The following CTNNA2 variants were observed in gnomAD, a reference collection of about 807,000 sequenced individuals.
CTNNA2 encodes the protein catenin alpha 2.
A neutral mutation model predicts 101.0 loss-of-function variants in CTNNA2; 42 were observed. The ratio of observed to expected loss-of-function variants is 0.42; its 90% CI spans 0.32 to 0.54. CTNNA2 has a LOEUF of 0.54. CTNNA2 is among the 20% of genes least tolerant of loss of function. The pLI is 0.14. For missense variants in CTNNA2, 871 were observed against 1,223.1 expected (o/e 0.71, Z 4.29); for synonymous variants, 450 against 456.4 (o/e 0.99, Z 0.18).
intron 7 of CTNNA2, among the ~76,000 whole-genome samples, chr2:80,214,260 G>A (rs2149041726): frequency 6.6e-6 from 1 of 152,244 alleles, no homozygotes; most frequent in East Asian, 1.9e-4. Flanking sequence ...TCATTATGAT[G>A]TTAGCTGGTT....
At chr2:80,037,594 C>T (rs1574604553) in intron 7 of CTNNA2, among the ~76,000 whole-genome samples, 1 of 152,204 alleles carries the variant, frequency 6.6e-6, no homozygotes, top group East Asian at 1.9e-4. Context: ...AGTAAGAATG[C>T]TGGGAAGAAA....
rs1486542538 is a variant in CTNNA2, at chr2:79,595,133, A to AT, written c.-5-56418dup. Reference sequence around the variant, plus strand: ...TCACAGTTAGCCAGTTTCGACTGTCATAACATAAGCACTTGTGGTCAACCA... The same window carrying AT: ...TCACAGTTAGCCAGTTTCGACTGTCATTAACATAAGCACTTGTGGTCAACCA... On this transcript the variant is annotated intron_variant, in intron 1 of 18. Transcript: ENST00000402739. Among the ~76,000 whole-genome samples the AT allele has an allele frequency of 7.9e-5, 12 of 152,304 alleles. No individual in the cohort carries two copies. In the East Asian group the frequency reaches 2.3e-3, roughly 29 times the overall value.
At chr2:79,737,290 G>A (rs556763390) in intron 2 of CTNNA2, among the ~76,000 whole-genome samples, 2 of 151,624 alleles carry the variant, frequency 1.3e-5, no homozygotes, top group African/African-American at 4.8e-5. Context: ...TAGAGGTTGC[G>A]GTGCGCCAAG....
At chr2:79,903,553 T>A (rs896787436) in intron 6 of CTNNA2, among the ~76,000 whole-genome samples, 16 of 152,152 alleles carry the variant, frequency 1.1e-4, no homozygotes, top group South Asian at 6.2e-4. Flanking sequence ...CCATTCCTAT[T>A]TATGTCCATT....
intron 7 of CTNNA2, among the ~76,000 whole-genome samples, chr2:80,249,449 T>G (rs941558409): frequency 1.3e-5 from 2 of 152,228 alleles, no homozygotes; most frequent in African/African-American, 4.8e-5. Flanking sequence ...GCATACTGTT[T>G]ACCAAGCTGT....
At chr2:79,875,177 A>G (rs936811961) in intron 6 of CTNNA2, among the ~76,000 whole-genome samples, 4 of 152,108 alleles carry the variant, frequency 2.6e-5, no homozygotes, top group Non-Finnish European at 2.9e-5. Context: ...AGGATTGTTC[A>G]CTGTGCTGAG....
intron 1 of CTNNA2, among the ~76,000 whole-genome samples, chr2:79,533,098 G>A (rs866620716): frequency 2.0e-5 from 3 of 151,650 alleles, no homozygotes; most frequent in South Asian, 2.1e-4. Context: ...ATGCAGTCTC[G>A]CTCCTTGATG....
chr2:79,810,177 T>A (rs968493946), intron 3 of CTNNA2, among the ~76,000 whole-genome samples: 1 of 152,080 alleles, frequency 6.6e-6, no homozygotes, highest in African/African-American at 2.4e-5. Context: ...GATAAAGACA[T>A]AACTGAGACT....
chr2:80,013,631 C>T (rs533440233), intron 7 of CTNNA2, among the ~76,000 whole-genome samples: 1 of 152,266 alleles, frequency 6.6e-6, no homozygotes, highest in South Asian at 2.1e-4. Flanking sequence ...TCCATCTAAC[C>T]CTGTTGTTCT....
At chr2:79,511,185 A>G (rs1671529808), upstream of CTNNA2, among the ~76,000 whole-genome samples, 1 of 152,184 alleles carries the variant, frequency 6.6e-6, no homozygotes, top group East Asian at 1.9e-4. Flanking sequence ...TGGACCATTC[A>G]AATTCATAGG....
intron 9 of CTNNA2, among the ~76,000 whole-genome samples, chr2:80,536,416 C>A (rs914138178): frequency 6.6e-6 from 1 of 152,018 alleles, no homozygotes; most frequent in Non-Finnish European, 1.5e-5. Context: ...ACATGAGGAG[C>A]AAGTGCTTTA....
intron 7 of CTNNA2, among the ~76,000 whole-genome samples, chr2:80,081,454 C>T (rs571071841): frequency 4.3e-4 from 65 of 152,182 alleles, no homozygotes; most frequent in Middle Eastern, 3.4e-3. Flanking sequence ...GGGTGGCTCC[C>T]TTCAGAAACA....
In CTNNA2 at chr2:79,335,106, G is replaced by A. The variant is rs539770670; in HGVS notation, c.-318+22310G>A. ...CTTCACTCTAATCCCAGAAGTTAGG[G>A]AGCCAGAATGACACAGATGTGAATT... On this transcript the variant is annotated intron_variant, in intron 3 of 21. Transcript: ENST00000466387. Among the ~76,000 whole-genome samples the A allele has an allele frequency of 5.3e-5, 8 of 152,236 alleles. No individual in the cohort carries two copies. In the South Asian group the frequency reaches 1.7e-3, roughly 32 times the overall value.
At chr2:79,944,781 T>G (rs1429277907) in intron 7 of CTNNA2, among the ~76,000 whole-genome samples, 3 of 152,006 alleles carry the variant, frequency 2.0e-5, no homozygotes, top group African/African-American at 7.2e-5. Flanking sequence ...ATTCAATAAG[T>G]AGAGAAGGAG....
At chr2:79,894,524 T>C (rs1384464920) in intron 6 of CTNNA2, among the ~76,000 whole-genome samples, 1 of 152,176 alleles carries the variant, frequency 6.6e-6, no homozygotes, top group African/African-American at 2.4e-5. Flanking sequence ...TTCCACACAT[T>C]GTATTCCACA....
chr2:79,460,364 C>T (rs935888802), intron 4 of CTNNA2, among the ~76,000 whole-genome samples: 6 of 152,106 alleles, frequency 3.9e-5, no homozygotes, highest in African/African-American at 1.4e-4. Context: ...TCAAAATCTC[C>T]CCTTTTTTGA....
chr2:79,984,692 C>CAG (rs1271306772), intron 7 of CTNNA2, among the ~76,000 whole-genome samples: 1 of 152,130 alleles, frequency 6.6e-6, no homozygotes, highest in Non-Finnish European at 1.5e-5. Context: ...GAGTGAACCA[C>CAG]AGAGTGAGAC....
At chr2:79,939,962 T>C (rs2974141) in intron 7 of CTNNA2, among the ~76,000 whole-genome samples, 133,916 of 152,076 alleles carry the variant, frequency 0.88, 59,311 homozygotes, top group East Asian at 0.95. Flanking sequence ...CGTGGTGGCA[T>C]ATGCCTGCAG....
chr2:79,756,774 C>A (rs377657185), intron 3 of CTNNA2, among the ~76,000 whole-genome samples: 2 of 152,154 alleles, frequency 1.3e-5, no homozygotes, highest in East Asian at 3.9e-4. Context: ...TGAACAGATA[C>A]CTCACCAAGG....
Sources: allele counts gnomAD v4.1 joint callset (sites outside exome capture counted in the v4.1 genomes callset), GRCh38; gene constraint gnomAD v4.1.1; transcripts MANE v1.5; gene names NCBI Gene and HGNC (gene_info 2026-07-23, HGNC 2026-07-21).